Variants in WDR64 observed in about 807,000 individuals in gnomAD.
The protein encoded by WDR64 is WD repeat domain 64.
A neutral mutation model predicts 139.3 loss-of-function variants in WDR64; 112 were observed. The observed-to-expected ratio is 0.80, with a 90% CI of 0.69 to 0.94. The LOEUF (loss-of-function observed/expected upper bound fraction) is 0.94, where lower values mean the gene tolerates loss of function less well. WDR64 is among the 40% of genes least tolerant of loss of function. WDR64 has a pLI of 0.00. For synonymous variants in WDR64, 444 were observed against 437.7 expected (o/e 1.01, Z -0.18); for missense variants, 1,206 against 1,293.1 (o/e 0.93, Z 1.03).
At chr1:241,684,585 C>T (rs746799298) in intron 7 of WDR64, among the ~76,000 whole-genome samples, 41 of 152,104 alleles carry the variant, frequency 2.7e-4, no homozygotes, top group African/African-American at 2.2e-4. Context: ...ATGGGGAAGA[C>T]GCTGTGAGCT....
At chr1:241,737,333 G>T (rs946408105) in intron 10 of WDR64, among the ~76,000 whole-genome samples, 1 of 152,188 alleles carries the variant, frequency 6.6e-6, no homozygotes, top group South Asian at 2.1e-4. Context: ...GGACTAACTT[G>T]CCTTAGCAAT....
chr1:241,713,323 C>CGAAG (rs372893675), intron 9 of WDR64, among the ~76,000 whole-genome samples: 2,181 of 108,224 alleles, frequency 0.02, 87 homozygotes, highest in African/African-American at 0.074. Flanking sequence ...AAAGAAAGGA[C>CGAAG]GAAGGAAGGA....
intron 22 of WDR64, among the ~76,000 whole-genome samples, chr1:241,782,995 T>C (rs925848598): frequency 1.3e-5 from 2 of 152,202 alleles, no homozygotes; most frequent in African/African-American, 2.4e-5. Flanking sequence ...ATCAATTAAA[T>C]GAATCGCTAA....
chr1:241,800,868 G>A (rs1191541390), intron 27 of WDR64, among the ~76,000 whole-genome samples: 1 of 151,984 alleles, frequency 6.6e-6, no homozygotes, highest in Non-Finnish European at 1.5e-5. Flanking sequence ...TTTCCACACT[G>A]TGCAGCTGAG....
chr1:241,669,363 G>A (rs974928616), intron 2 of WDR64, among the ~76,000 whole-genome samples: 63 of 152,120 alleles, frequency 4.1e-4, no homozygotes, highest in African/African-American at 1.5e-3. Context: ...ACTGAATAAT[G>A]CATAAATTAA....
intron 13 of WDR64, among the ~76,000 whole-genome samples, chr1:241,746,761 C>T (rs202191610): frequency 4.2e-5 from 6 of 142,080 alleles, no homozygotes; most frequent in African/African-American, 5.2e-5. Context: ...CATTTCAGTT[C>T]TTTTTTTTTT....
intron 10 of WDR64, among the ~76,000 whole-genome samples, chr1:241,732,839 A>AC (rs1007542381): frequency 3.3e-5 from 5 of 151,642 alleles, no homozygotes; most frequent in African/African-American, 1.2e-4. Flanking sequence ...CCAAAAAAAC[A>AC]AAAAAACAAA....
At chr1:241,771,929 TATACATAC>T (rs201661383) in intron 19 of WDR64, among the ~76,000 whole-genome samples, 649 of 52,308 alleles carry the variant, frequency 0.012, 19 homozygotes, top group African/African-American at 0.033. Context: ...TATACATACA[TATACATAC>T]ATACATACAT....
intron 14 of WDR64, among the ~76,000 whole-genome samples, chr1:241,750,803 G>GGCCA (rs1558506822): frequency 2.0e-5 from 3 of 151,950 alleles, no homozygotes; most frequent in Admixed American, 6.6e-5. Context: ...TTGTATTCTT[G>GGCCA]GCCATGCCCA....
intron 6 of WDR64, among the ~76,000 whole-genome samples, chr1:241,683,196 CA>C (rs893321049): frequency 6.6e-6 from 1 of 151,814 alleles, no homozygotes; most frequent in Non-Finnish European, 1.5e-5. Context: ...CTTATAAATC[CA>C]AAAAAAGGCC....
chr1:241,681,279 C>G (rs1286863736), intron 6 of WDR64, among the ~76,000 whole-genome samples: 1 of 152,116 alleles, frequency 6.6e-6, no homozygotes, highest in Non-Finnish European at 1.5e-5. Flanking sequence ...CCTTCCCACC[C>G]TTTTCCCCAG....
intron 9 of WDR64, among the ~76,000 whole-genome samples, chr1:241,719,179 T>C (rs1668512389): frequency 1.3e-5 from 2 of 152,218 alleles, no homozygotes; most frequent in Non-Finnish European, 2.9e-5. Context: ...ATCCATTTTT[T>C]TGTTTGAATA....
At chr1:241,667,885 G>A (rs1666080428) in intron 2 of WDR64, among the ~76,000 whole-genome samples, 1 of 152,186 alleles carries the variant, frequency 6.6e-6, no homozygotes, top group African/African-American at 2.4e-5. Flanking sequence ...GTTGTAATTT[G>A]TTTCAGCAGC....
chr1:241,693,051 A>G (rs1667358231), intron 8 of WDR64, among the ~76,000 whole-genome samples: 1 of 152,206 alleles, frequency 6.6e-6, no homozygotes, highest in African/African-American at 2.4e-5. Context: ...TCCAGCAGTC[A>G]TACTACTTGG....
intron 2 of WDR64, among the ~76,000 whole-genome samples, chr1:241,664,120 A>G (rs184943745): frequency 6.6e-6 from 1 of 152,312 alleles, no homozygotes; most frequent in Admixed American, 6.5e-5. Flanking sequence ...ACATGAATGC[A>G]TTGTTTTGTT....
intron 15 of WDR64, among the ~76,000 whole-genome samples, chr1:241,763,181 G>A (rs941067491): frequency 2.6e-5 from 4 of 151,958 alleles, no homozygotes; most frequent in African/African-American, 9.7e-5. Flanking sequence ...TGCACAGTGA[G>A]TCAGAACCAG....
intron 11 of WDR64, among the ~76,000 whole-genome samples, chr1:241,741,210 G>A (rs1669526742): frequency 6.6e-6 from 1 of 152,066 alleles, no homozygotes; most frequent in African/African-American, 2.4e-5. Flanking sequence ...AGAGAGAAGT[G>A]GACTATGAAA....
intron 21 of WDR64, 60 bp from the exon 22 acceptor site, chr1:241,779,944 A>T: frequency 7.8e-7 from 1 of 1,284,840 alleles, no homozygotes; most frequent in Non-Finnish European, 1.1e-6. Flanking sequence ...ACTTTTGGAT[A>T]GTATTGATTT....
intron 21 of WDR64, among the ~76,000 whole-genome samples, chr1:241,779,150 T>C (rs965566579): frequency 7.9e-5 from 12 of 152,156 alleles, no homozygotes; most frequent in African/African-American, 2.7e-4. Context: ...GAATTCTAGG[T>C]TGGTCGGTTT....
Sources: allele counts gnomAD v4.1 joint callset (sites outside exome capture counted in the v4.1 genomes callset), GRCh38; gene constraint gnomAD v4.1.1; transcripts MANE v1.5; gene names NCBI Gene and HGNC (gene_info 2026-07-23, HGNC 2026-07-21).